The following SLC24A2 variants were observed in gnomAD, a reference collection of about 807,000 sequenced individuals.
SLC24A2 encodes the protein sodium/potassium/calcium exchanger 2.
In SLC24A2, 36 loss-of-function variants were observed where a neutral mutation model predicts 62.0. The ratio of observed to expected loss-of-function variants is 0.58; its 90% CI spans 0.44 to 0.77. The LOEUF (loss-of-function observed/expected upper bound fraction) is 0.77, where lower values mean the gene tolerates loss of function less well. Among genes scored for constraint, SLC24A2 ranks in the 30% least tolerant of loss-of-function variants. SLC24A2 has a pLI of 0.00. For missense variants in SLC24A2, 846 were observed against 817.9 expected (o/e 1.03, Z -0.42); for synonymous variants, 358 against 294.0 (o/e 1.22, Z -2.23).
chr9:19,722,097 C>T (rs1821043183), intron 2 of SLC24A2, among the ~76,000 whole-genome samples: 1 of 152,114 alleles, frequency 6.6e-6, no homozygotes, highest in South Asian at 2.1e-4. Context: ...AGTTTTCGTA[C>T]ATGTTACTTC....
At chr9:19,901,500 T>C in the SLC24A2 span, among the ~76,000 whole-genome samples, 43 of 151,804 alleles carry the variant, frequency 2.8e-4, no homozygotes, top group Non-Finnish European at 5.9e-5. Flanking sequence ...GGAGGAGGGG[T>C]TGGGGCAGGA....
At chr9:19,559,197 A>G (rs150656261) in intron 7 of SLC24A2, among the ~76,000 whole-genome samples, 3 of 152,240 alleles carry the variant, frequency 2.0e-5, no homozygotes, top group African/African-American at 7.2e-5. Flanking sequence ...GTAGGAGAAA[A>G]AAAGCTTGAC....
At chr9:19,816,724 G>T in the SLC24A2 span, among the ~76,000 whole-genome samples, 2 of 151,998 alleles carry the variant, frequency 1.3e-5, no homozygotes, top group East Asian at 1.9e-4. Context: ...AGGAGCAAGA[G>T]AGGGCAAGGG....
intron 2 of SLC24A2, among the ~76,000 whole-genome samples, chr9:19,759,900 A>G (rs931872291): frequency 1.4e-4 from 21 of 152,168 alleles, no homozygotes; most frequent in African/African-American, 5.1e-4. Context: ...CTTTTGTTAA[A>G]AAATAATGTG....
chr9:19,547,278 G>T (rs1277767862), intron 8 of SLC24A2, among the ~76,000 whole-genome samples: 1 of 152,114 alleles, frequency 6.6e-6, no homozygotes, highest in African/African-American at 2.4e-5. Flanking sequence ...TAGCACTTGG[G>T]GGAGCAATGA....
chr9:19,840,694 C>G, the SLC24A2 span, among the ~76,000 whole-genome samples: 7 of 152,102 alleles, frequency 4.6e-5, no homozygotes, highest in Admixed American at 4.6e-4. Flanking sequence ...TGAGTTTTGA[C>G]AAGCGCATAT....
At chr9:20,231,674 C>T in the SLC24A2 span, among the ~76,000 whole-genome samples, 60 of 152,272 alleles carry the variant, frequency 3.9e-4, no homozygotes, top group African/African-American at 1.4e-3. Context: ...ATCATGTCAT[C>T]TGCAAACAGG....
At chr9:20,143,852 C>G in the SLC24A2 span, among the ~76,000 whole-genome samples, 1 of 152,198 alleles carries the variant, frequency 6.6e-6, no homozygotes, top group Non-Finnish European at 1.5e-5. Flanking sequence ...TATTTATACA[C>G]ATATGACTCT....
chr9:19,658,708 T>G (rs1262828010), intron 2 of SLC24A2, among the ~76,000 whole-genome samples: 1 of 152,302 alleles, frequency 6.6e-6, no homozygotes, highest in South Asian at 2.1e-4. Context: ...GGCTTCCTAT[T>G]GGACTCAATC....
the SLC24A2 span, among the ~76,000 whole-genome samples, chr9:19,946,192 C>G: frequency 6.6e-6 from 1 of 152,172 alleles, no homozygotes; most frequent in Non-Finnish European, 1.5e-5. Flanking sequence ...CAGCTCACCC[C>G]CAAGGACTGC....
intron 2 of SLC24A2, among the ~76,000 whole-genome samples, chr9:19,784,830 T>C (rs1215801602): frequency 2.0e-5 from 3 of 152,236 alleles, no homozygotes; most frequent in Non-Finnish European, 4.4e-5. Context: ...TGTTTTATCC[T>C]GCCCTTTGCT....
chr9:20,191,962 G>A, the SLC24A2 span, among the ~76,000 whole-genome samples: 5 of 152,076 alleles, frequency 3.3e-5, no homozygotes, highest in African/African-American at 1.2e-4. Flanking sequence ...ATGCACAGAG[G>A]GGTAAGATGA....
At chr9:19,972,622 T>C in the SLC24A2 span, among the ~76,000 whole-genome samples, 8 of 152,296 alleles carry the variant, frequency 5.3e-5, no homozygotes, top group East Asian at 1.3e-3. Context: ...TAGAAGCTTT[T>C]AGAGAGAAAT....
At position 19,671,452 on chromosome 9, in the gene SLC24A2, T is replaced by G. The variant is rs536567215; in HGVS notation, c.931-49153A>C. Among the ~76,000 whole-genome samples the G allele has an allele frequency of 4.6e-5, 7 of 152,116 alleles. No homozygotes were observed. The Middle Eastern group carries it at 0.01, about 222-fold the overall frequency. On this transcript the variant is annotated intron_variant, in intron 2 of 10. Transcript: ENST00000341998. The stretch of plus-strand genomic sequence containing the variant: ...TCATTTATCAGGTCTAGGAGCTTGT[T>G]GGAGGAGTCTTGAGGGTTCTCTAGG...
At chr9:19,884,835 G>A in the SLC24A2 span, among the ~76,000 whole-genome samples, 3 of 152,160 alleles carry the variant, frequency 2.0e-5, no homozygotes, top group Non-Finnish European at 4.4e-5. Context: ...AGTACCCTGA[G>A]CATGTTTAAG....
At chr9:19,555,109 G>C (rs914031878) in intron 7 of SLC24A2, among the ~76,000 whole-genome samples, 4 of 152,108 alleles carry the variant, frequency 2.6e-5, no homozygotes, top group African/African-American at 9.7e-5. Flanking sequence ...CCCAAGTCAT[G>C]CACCCACTTC....
At chr9:19,934,205 T>C in the SLC24A2 span, among the ~76,000 whole-genome samples, 10 of 152,306 alleles carry the variant, frequency 6.6e-5, no homozygotes, top group East Asian at 1.9e-3. This position sits in a 1 kb window ranked among gnomAD's most constrained non-coding sequence, Gnocchi z 4.1. Context: ...GCCTACAGCC[T>C]GGCTCTCTGA....
At chr9:19,712,139 A>G (rs1350536754) in intron 2 of SLC24A2, among the ~76,000 whole-genome samples, 1 of 152,154 alleles carries the variant, frequency 6.6e-6, no homozygotes, top group African/African-American at 2.4e-5. Context: ...AATACAGAAA[A>G]CGGCTCCAGA....
chr9:20,239,609 C>T, the SLC24A2 span, among the ~76,000 whole-genome samples: 1 of 152,154 alleles, frequency 6.6e-6, no homozygotes, highest in African/African-American at 2.4e-5. Flanking sequence ...TAGCAGATAG[C>T]TTGGAAAGGA....
Sources: allele counts gnomAD v4.1 joint callset (sites outside exome capture counted in the v4.1 genomes callset), GRCh38; gene constraint gnomAD v4.1.1; non-coding constraint Gnocchi (gnomAD v3.1); transcripts MANE v1.5; gene names NCBI Gene and HGNC (gene_info 2026-07-23, HGNC 2026-07-21).